The following SS18 variants were observed in gnomAD, a reference collection of about 807,000 sequenced individuals.
The protein encoded by SS18 is protein SSXT.
In SS18, 28 loss-of-function variants were observed where a neutral mutation model predicts 72.5. The observed-to-expected ratio is 0.39, with a 90% CI of 0.29 to 0.53. The LOEUF is 0.53. Among genes scored for constraint, SS18 ranks in the 20% least tolerant of loss-of-function variants. SS18 has a pLI of 0.76. For synonymous variants in SS18, 172 were observed against 164.2 expected, an observed-to-expected ratio of 1.05 and a Z score of -0.37; for missense variants, 518 against 535.3, an observed-to-expected ratio of 0.97 and a Z score of 0.32.
chr18:26,019,914 A>C (rs1034268962), intron 10 of SS18, among the ~76,000 whole-genome samples: 2 of 152,076 alleles, frequency 1.3e-5, no homozygotes, highest in African/African-American at 4.8e-5. Context: ...AAATGATATC[A>C]CATCTAAGAT....
At chr18:26,049,574 A>G (rs1472873084) in intron 5 of SS18, among the ~76,000 whole-genome samples, 1 of 152,182 alleles carries the variant, frequency 6.6e-6, no homozygotes, top group Non-Finnish European at 1.5e-5. Flanking sequence ...GTGCAGTGAC[A>G]CCAGCAAACT....
Position 26,035,938 on chromosome 18 carries a change from CAA to C in SS18, c.881-17_881-16del. 6.4e-7 allele frequency: 1 copy of C among 1,572,918 alleles called. No individual in the cohort carries two copies. Among genetic ancestry groups the C allele is most frequent in the African/African-American group, 1.3e-5 (1 of 74,188 alleles). ...ATCATTATGACCTACATCAATTCGA[CAA>C]GAGACAGGAAGAAACGTTAATGGCC... is the stretch of plus-strand genomic sequence containing the variant. On this transcript the variant is annotated splice_polypyrimidine_tract_variant and intron_variant, in intron 7 of 10. Coordinates refer to ENST00000415083, the MANE Select transcript of SS18 (RefSeq NM_001007559.3). This position sits in a 1 kb window ranked among gnomAD's most constrained non-coding sequence, Gnocchi z 4.4.
At chr18:26,027,699 A>C (rs200832897) in intron 10 of SS18, among the ~76,000 whole-genome samples, 6,931 of 140,980 alleles carry the variant, frequency 0.049, 545 homozygotes, top group East Asian at 0.13. Flanking sequence ...AAAAAAAAAA[A>C]AAAAAGTCTT....
intron 5 of SS18, among the ~76,000 whole-genome samples, chr18:26,052,185 A>G (rs2053934537): frequency 6.6e-6 from 1 of 152,238 alleles, no homozygotes; most frequent in African/African-American, 2.4e-5. Flanking sequence ...TCCACTGAAC[A>G]TTCTAATGGC....
chr18:26,027,511 A>C (rs1016348738), intron 10 of SS18, among the ~76,000 whole-genome samples: 3 of 151,442 alleles, frequency 2.0e-5, no homozygotes, highest in Admixed American at 2.0e-4. Flanking sequence ...ATAAATAAAT[A>C]AATAATTAAA....
upstream of SS18, chr18:26,091,176 A>G (rs1289664576): frequency 6.5e-6 from 1 of 153,078 alleles, no homozygotes; most frequent in African/African-American, 2.4e-5. Context: ...GAGTTCGTGC[A>G]AATCCGTGGA....
chr18:26,051,347 A>C (rs1325732239), intron 5 of SS18, among the ~76,000 whole-genome samples: 3 of 152,244 alleles, frequency 2.0e-5, no homozygotes, highest in Non-Finnish European at 4.4e-5. Flanking sequence ...AATTTCTAAA[A>C]ACACCTCAAT....
chr18:26,090,467 AGGGCCTGGC>A, intron 1 of SS18, 25 bp downstream of exon 1: 1 of 1,550,380 alleles, frequency 6.5e-7, no homozygotes, highest in Non-Finnish European at 8.7e-7. Flanking sequence ...AGAGGCGGTA[AGGGCCTGGC>A]ATCCGCAACC....
intron 3 of SS18, chr18:26,068,199 T>C (rs980010916): frequency 3.3e-5 from 5 of 152,192 alleles, no homozygotes; most frequent in African/African-American, 9.7e-5. Context: ...CTGAAAACAT[T>C]ATTAAAATAC....
chr18:26,062,072 C>T (rs537013212), intron 3 of SS18, among the ~76,000 whole-genome samples: 7 of 152,118 alleles, frequency 4.6e-5, no homozygotes, highest in Non-Finnish European at 8.8e-5. Context: ...GCTAGCCTGG[C>T]CAACATGATG....
chr18:26,058,884 CCAAAA>C (rs1260961835), intron 3 of SS18, among the ~76,000 whole-genome samples: 2 of 152,068 alleles, frequency 1.3e-5, no homozygotes, highest in Non-Finnish European at 2.9e-5. Flanking sequence ...TCAGTTTTCA[CCAAAA>C]CAAACAAAAA....
intron 5 of SS18, among the ~76,000 whole-genome samples, chr18:26,050,729 C>T (rs1271309065): frequency 6.6e-6 from 1 of 151,848 alleles, no homozygotes; most frequent in East Asian, 1.9e-4. Flanking sequence ...TCCGGTGAAA[C>T]CCTGTCTCTA....
intron 1 of SS18, chr18:26,090,226 C>T: frequency 2.1e-6 from 1 of 486,498 alleles, no homozygotes; most frequent in Non-Finnish European, 3.6e-6. Flanking sequence ...AGCCCGAACG[C>T]CGCCCCATCC....
intron 5 of SS18, among the ~76,000 whole-genome samples, chr18:26,047,477 G>A (rs200697968): frequency 1.9e-4 from 1 of 5,224 alleles, no homozygotes; most frequent in African/African-American, 2.2e-4. Flanking sequence ...ATATAATTGG[G>A]AAAAATCACA....
chr18:26,044,576 G>A (rs1231229396), intron 5 of SS18, among the ~76,000 whole-genome samples: 8 of 151,750 alleles, frequency 5.3e-5, no homozygotes, highest in South Asian at 2.1e-4. Context: ...CACCCACCTC[G>A]GCATCCCAAA....
At chr18:26,065,809 A>ATATATATATATATATATATG (rs1243531158) in intron 3 of SS18, among the ~76,000 whole-genome samples, 1 of 112,296 alleles carries the variant, frequency 8.9e-6, no homozygotes, top group African/African-American at 3.8e-5. Flanking sequence ...CCATATATAT[A>ATATATATATATATATATATG]TATATATATA....
intron 3 of SS18, among the ~76,000 whole-genome samples, chr18:26,061,308 G>T (rs1045098868): frequency 6.6e-6 from 1 of 151,822 alleles, no homozygotes; most frequent in African/African-American, 2.4e-5. Flanking sequence ...GCGAGACTCC[G>T]TCTCAAAAAA....
At chr18:26,055,313 G>A (rs765457061) in intron 4 of SS18, among the ~76,000 whole-genome samples, 122 of 151,572 alleles carry the variant, frequency 8.0e-4, no homozygotes, top group Non-Finnish European at 1.5e-3. Flanking sequence ...TTAAAAATAC[G>A]AAAATTAGCC....
At chr18:26,061,241 A>G (rs1398493391) in intron 3 of SS18, among the ~76,000 whole-genome samples, 1 of 152,188 alleles carries the variant, frequency 6.6e-6, no homozygotes, top group Admixed American at 6.5e-5. Flanking sequence ...AGAACTCAGG[A>G]GGCGAAGGCT....
Sources: gnomAD v4.1 joint callset for allele counts (sites outside exome capture counted in the v4.1 genomes callset) on GRCh38, gnomAD v4.1.1 for gene constraint, Gnocchi (gnomAD v3.1) non-coding constraint, MANE v1.5 for transcripts, NCBI Gene and HGNC (gene_info 2026-07-23, HGNC 2026-07-21) for gene names.